The following TEX36 variants were observed in gnomAD, a reference collection of about 807,000 sequenced individuals.
TEX36 encodes the protein testis-expressed protein 36.
A neutral mutation model predicts 13.6 loss-of-function variants in TEX36; 12 were observed. The ratio of observed to expected loss-of-function variants is 0.88; its 90% CI spans 0.56 to 1.43. TEX36 has a LOEUF of 1.43. TEX36 is among the 40% of genes most tolerant of loss of function. The pLI is 0.00. For missense variants in TEX36, 224 were observed against 228.3 expected (o/e 0.98, Z 0.12); for synonymous variants, 93 against 83.0 (o/e 1.12, Z -0.65).
chr10:125,612,366 G>A (rs749452356), intron 3 of TEX36, among the ~76,000 whole-genome samples: 17 of 152,044 alleles, frequency 1.1e-4, no homozygotes, highest in African/African-American at 1.9e-4. Context: ...TTACAGGTGT[G>A]AGCCATCGAA....
intron 1 of TEX36, among the ~76,000 whole-genome samples, chr10:125,672,413 GTT>G (rs1463575693): frequency 6.6e-6 from 1 of 152,180 alleles, no homozygotes; most frequent in Non-Finnish European, 1.5e-5. Flanking sequence ...AGAGCAGATT[GTT>G]CAAATTCCAT....
At chr10:125,606,273 A>G (rs1846214512) in intron 3 of TEX36, among the ~76,000 whole-genome samples, 1 of 152,246 alleles carries the variant, frequency 6.6e-6, no homozygotes, top group African/African-American at 2.4e-5. Flanking sequence ...TATGTTTTCA[A>G]ACATCTCTCC....
intron 1 of TEX36, among the ~76,000 whole-genome samples, chr10:125,676,369 T>C (rs1232309929): frequency 6.6e-6 from 1 of 152,192 alleles, no homozygotes; most frequent in Non-Finnish European, 1.5e-5. Context: ...ATAATGACCT[T>C]CTTTGTATTT....
chr10:125,602,050 G>T (rs1028841505), intron 3 of TEX36, among the ~76,000 whole-genome samples: 7 of 152,160 alleles, frequency 4.6e-5, no homozygotes, highest in Non-Finnish European at 8.8e-5. Flanking sequence ...GTTGCAGGGG[G>T]AAAGGGGAGG....
downstream of TEX36, among the ~76,000 whole-genome samples, chr10:125,618,636 G>T (rs1442875485): frequency 1.3e-5 from 2 of 152,018 alleles, no homozygotes; most frequent in African/African-American, 4.8e-5. Flanking sequence ...TCCTAATGGA[G>T]GTGCCTGCCT....
intron 3 of TEX36, among the ~76,000 whole-genome samples, chr10:125,579,809 C>T (rs1218603721): frequency 6.6e-6 from 1 of 152,100 alleles, no homozygotes; most frequent in East Asian, 1.9e-4. Flanking sequence ...TGACATTCCA[C>T]CATGATTGTA....
chr10:125,645,004 T>G (rs1846746577), intron 3 of TEX36, among the ~76,000 whole-genome samples: 2 of 152,084 alleles, frequency 1.3e-5, no homozygotes, highest in Non-Finnish European at 2.9e-5. Flanking sequence ...GCAGGAAAGC[T>G]CAGTCCTCTA....
chr10:125,680,642 G>A (rs1028506358), intron 1 of TEX36, among the ~76,000 whole-genome samples: 4 of 152,132 alleles, frequency 2.6e-5, no homozygotes, highest in African/African-American at 7.2e-5. Context: ...TGGCAATTAC[G>A]GTCCTCCCAA....
intron 1 of TEX36, among the ~76,000 whole-genome samples, chr10:125,676,790 C>T (rs1847320264): frequency 6.6e-6 from 1 of 152,040 alleles, no homozygotes; most frequent in Admixed American, 6.5e-5. Context: ...TGTGATTGTT[C>T]TACGAGTGAG....
chr10:125,583,509 T>TA (rs1845908710), intron 3 of TEX36, among the ~76,000 whole-genome samples: 1 of 152,210 alleles, frequency 6.6e-6, no homozygotes, highest in African/African-American at 2.4e-5. Flanking sequence ...TGTAAGGTAT[T>TA]AATCTCATTC....
intron 3 of TEX36, among the ~76,000 whole-genome samples, chr10:125,624,991 A>G (rs943234085): frequency 6.6e-6 from 1 of 152,166 alleles, no homozygotes; most frequent in African/African-American, 2.4e-5. Context: ...GAACAAATAC[A>G]AGCAAAACAA....
At chr10:125,653,974 A>C (rs1268956924), downstream of TEX36, among the ~76,000 whole-genome samples, 2 of 152,180 alleles carry the variant, frequency 1.3e-5, no homozygotes, top group African/African-American at 4.8e-5. Context: ...GTCTCTTAAA[A>C]AGAAAAGAAA....
At chr10:125,611,144 T>C (rs1037942554) in intron 3 of TEX36, among the ~76,000 whole-genome samples, 9 of 152,264 alleles carry the variant, frequency 5.9e-5, no homozygotes, top group Non-Finnish European at 8.8e-5. Context: ...TAGACAGTTA[T>C]GTTGTTTTCA....
intron 3 of TEX36, among the ~76,000 whole-genome samples, chr10:125,605,037 A>G (rs1331720439): frequency 2.6e-5 from 4 of 152,168 alleles, no homozygotes; most frequent in African/African-American, 9.7e-5. Context: ...AATCCCCTCC[A>G]GCCTTGGTGT....
At chr10:125,661,477 C>T (rs1847041861) in intron 2 of TEX36, among the ~76,000 whole-genome samples, 1 of 152,172 alleles carries the variant, frequency 6.6e-6, no homozygotes, top group South Asian at 2.1e-4. Context: ...AGAGCCCTGG[C>T]CCAAGGCCTG....
At chr10:125,603,285 A>T (rs1006954071) in intron 3 of TEX36, among the ~76,000 whole-genome samples, 2 of 152,152 alleles carry the variant, frequency 1.3e-5, no homozygotes, top group East Asian at 3.9e-4. Context: ...CCGACTTCCA[A>T]GTACCTGTGC....
intron 3 of TEX36, among the ~76,000 whole-genome samples, chr10:125,579,751 T>G (rs191529295): frequency 5.3e-5 from 8 of 152,232 alleles, no homozygotes; most frequent in Admixed American, 5.2e-4. Flanking sequence ...CCTTCCCTTT[T>G]GTTCTCTTCC....
chr10:125,660,983 T>C (rs187573777), intron 3 of TEX36, 38 bp downstream of exon 3: 22 of 1,503,750 alleles, frequency 1.5e-5, no homozygotes, highest in Admixed American at 2.0e-5. Flanking sequence ...CCTTGTGTTG[T>C]TCCCTGTTTT....
At chr10:125,608,943 T>C in intron 3 of TEX36, among the ~76,000 whole-genome samples, 1 of 134,344 alleles carries the variant, frequency 7.4e-6, no homozygotes, top group Admixed American at 8.4e-5. Flanking sequence ...GAGACCAGCC[T>C]GGCCAACATG....
Sources: allele counts gnomAD v4.1 joint callset (sites outside exome capture counted in the v4.1 genomes callset), GRCh38; gene constraint gnomAD v4.1.1; transcripts MANE v1.5; gene names NCBI Gene and HGNC (gene_info 2026-07-23, HGNC 2026-07-21).